Variants in DOCK10 observed in about 807,000 individuals in gnomAD.
The protein encoded by DOCK10 is dedicator of cytokinesis protein 10.
Under a neutral mutation model 280.1 loss-of-function variants are expected in DOCK10, and 145 were observed. That is an observed-to-expected ratio of 0.52 (90% CI 0.45 to 0.59). The LOEUF is 0.59. Ranked by LOEUF, DOCK10 falls within the 20% of genes least tolerant of loss-of-function variation. The probability of loss-of-function intolerance (pLI) is 0.00; values close to 1 mark genes in which losing one functional copy is unlikely to be tolerated. For synonymous variants in DOCK10, 915 were observed against 942.2 expected (o/e 0.97, Z 0.53); for missense variants, 2,368 against 2,651.7 (o/e 0.89, Z 2.35).
intron 3 of DOCK10, among the ~76,000 whole-genome samples, chr2:224,904,948 G>C (rs990150941): frequency 4.6e-5 from 7 of 152,262 alleles, no homozygotes; most frequent in Admixed American, 2.0e-4. Context: ...TGAGCAGCAT[G>C]AAGTACTTTT....
chr2:224,971,525 A>G (rs1705081180), intron 1 of DOCK10, among the ~76,000 whole-genome samples: 1 of 152,188 alleles, frequency 6.6e-6, no homozygotes, highest in African/African-American at 2.4e-5. Context: ...CTTTGGACAA[A>G]TGCAGTAATA....
chr2:224,845,100 G>A (rs974444668), intron 21 of DOCK10, 103 bp downstream of exon 21: 3 of 1,206,506 alleles, frequency 2.5e-6, no homozygotes, highest in Non-Finnish European at 2.3e-6. Context: ...ATAGCTACAA[G>A]GGACATGTCC....
At chr2:224,850,469 T>C (rs1696657331) in intron 18 of DOCK10, among the ~76,000 whole-genome samples, 1 of 152,178 alleles carries the variant, frequency 6.6e-6, no homozygotes, top group South Asian at 2.1e-4. Context: ...ACTCAGACAA[T>C]GACCTGGGAC....
chr2:224,846,983 C>T (rs1307320286), intron 19 of DOCK10, among the ~76,000 whole-genome samples: 1 of 152,158 alleles, frequency 6.6e-6, no homozygotes, highest in Non-Finnish European at 1.5e-5. Context: ...AATGATGCAG[C>T]TTCGGCATGG....
In DOCK10 at chr2:224,871,614, AC is replaced by A. The variant is rs1698293881; in HGVS notation, c.1257+2381del. ...TGTTTCTTCTACATCATCTTGGTAT[AC>A]CCTTCACCTCCCTAACTCTTTTCAG... On this transcript the variant is annotated intron_variant, in intron 11 of 55. Transcript: ENST00000258390. 2.6e-5 allele frequency among the ~76,000 whole-genome samples: 4 copies of A among 152,242 alleles called. No homozygotes were observed. In the South Asian group the frequency reaches 6.2e-4, roughly 24 times the overall value.
intron 16 of DOCK10, 43 bp downstream of exon 16, chr2:224,854,920 A>G (rs370925719): frequency 6.5e-5 from 96 of 1,477,054 alleles, no homozygotes; most frequent in Non-Finnish European, 7.9e-5. Flanking sequence ...TAAATATTCA[A>G]TATTCAAAAC....
chr2:224,879,018 A>G (rs1474809970), intron 7 of DOCK10, among the ~76,000 whole-genome samples: 4 of 152,256 alleles, frequency 2.6e-5, no homozygotes, highest in African/African-American at 9.6e-5. Flanking sequence ...AAATCAGAAA[A>G]CAAATATATT....
intron 28 of DOCK10, among the ~76,000 whole-genome samples, chr2:224,822,458 A>C (rs1694562509): frequency 6.6e-6 from 1 of 152,154 alleles, no homozygotes; most frequent in South Asian, 2.1e-4. Flanking sequence ...GCGTGGGTCA[A>C]CCTTGGTGGC....
chr2:224,821,344 G>A (rs1049805793), intron 28 of DOCK10, among the ~76,000 whole-genome samples: 1 of 152,118 alleles, frequency 6.6e-6, no homozygotes, highest in Non-Finnish European at 1.5e-5. Context: ...ACAAAAAGAG[G>A]TAGCAGTCAT....
At chr2:224,810,641 C>T (rs1460730356) in intron 31 of DOCK10, among the ~76,000 whole-genome samples, 1 of 111,688 alleles carries the variant, frequency 9.0e-6, no homozygotes. Flanking sequence ...CCCCTCCCCC[C>T]ACCCCACAAC....
At chr2:224,810,078 C>T (rs2125245921) in intron 31 of DOCK10, among the ~76,000 whole-genome samples, 1 of 149,918 alleles carries the variant, frequency 6.7e-6, no homozygotes, top group Non-Finnish European at 1.5e-5. Flanking sequence ...AAGCCAAACA[C>T]AGAAGGACAA....
intron 28 of DOCK10, 51 bp from the exon 29 acceptor site, chr2:224,819,580 A>T: frequency 8.4e-7 from 1 of 1,187,632 alleles, no homozygotes. Context: ...AAGAATCATT[A>T]AAGATTTTAG....
intron 1 of DOCK10, among the ~76,000 whole-genome samples, chr2:224,971,876 A>C (rs1250362885): frequency 6.6e-6 from 1 of 152,212 alleles, no homozygotes; most frequent in African/African-American, 2.4e-5. Flanking sequence ...AAAACTATGA[A>C]GTATTGTAAT....
rs904875001 is a variant in DOCK10 at position 224,765,550 on chromosome 2, T to A, written c.*171A>T. ...TCAACACTGCTCAAAGAAAAAAAAA[T>A]TATACAAAATGTGCAAATTCAGAGG... On this transcript the variant is annotated 3_prime_UTR_variant, in exon 56 of 56. Coordinates refer to ENST00000258390, the MANE Select transcript of DOCK10 (RefSeq NM_014689.3). 3.7e-6 allele frequency: 2 copies of A among 541,970 alleles called. No homozygotes were observed. The highest frequency in any genetic ancestry group is 6.5e-6 in the Non-Finnish European group (2 of 305,896). 33.6% of individuals were successfully genotyped at this position (541,970 alleles called of 1,614,324 possible).
intron 14 of DOCK10, among the ~76,000 whole-genome samples, chr2:224,858,743 T>A (rs1697312351): frequency 3.9e-5 from 6 of 152,192 alleles, no homozygotes. Context: ...ACGCTGTGCC[T>A]AGTTCCAACT....
chr2:224,913,155 A>G (rs918760618), intron 3 of DOCK10, among the ~76,000 whole-genome samples: 1 of 152,200 alleles, frequency 6.6e-6, no homozygotes, highest in Non-Finnish European at 1.5e-5. Flanking sequence ...TTATTAATTG[A>G]TAATTCAAAA....
intron 26 of DOCK10, among the ~76,000 whole-genome samples, chr2:224,833,754 C>A (rs1192435288): frequency 6.6e-6 from 1 of 152,082 alleles, no homozygotes; most frequent in Non-Finnish European, 1.5e-5. Flanking sequence ...TCAAGCGATT[C>A]CCCTGCCTCT....
At chr2:225,014,382 T>G (rs1008529708) in intron 1 of DOCK10, among the ~76,000 whole-genome samples, 7 of 152,064 alleles carry the variant, frequency 4.6e-5, no homozygotes, top group Non-Finnish European at 1.0e-4. Context: ...AGAAGGAAAT[T>G]TCCTTATAAA....
chr2:224,845,445 G>T (rs1278037825), intron 20 of DOCK10, 74 bp downstream of exon 20: 40 of 1,555,678 alleles, frequency 2.6e-5, no homozygotes, highest in Non-Finnish European at 3.1e-5. Flanking sequence ...ATAAATCAGG[G>T]CTTTGAAAAC....
Sources: allele counts gnomAD v4.1 joint callset (sites outside exome capture counted in the v4.1 genomes callset), GRCh38; gene constraint gnomAD v4.1.1; transcripts MANE v1.5; gene names NCBI Gene and HGNC (gene_info 2026-07-23, HGNC 2026-07-21).